The following TLDC2 variants were observed in gnomAD, a reference collection of about 807,000 sequenced individuals.
The protein encoded by TLDC2 is TLD domain-containing protein 2.
A neutral mutation model predicts 27.9 loss-of-function variants in TLDC2; 23 were observed. The observed-to-expected ratio is 0.82, with a 90% CI of 0.59 to 1.17. TLDC2 has a LOEUF of 1.17. TLDC2 is among the 50% of genes most tolerant of loss of function. TLDC2 has a pLI of 0.00. For missense variants in TLDC2, 286 were observed against 273.4 expected (o/e 1.05, Z -0.32); for synonymous variants, 124 against 107.4 (o/e 1.16, Z -0.96).
At chr20:36,888,746 C>T (rs1365583875) in intron 5 of TLDC2, among the ~76,000 whole-genome samples, 1 of 143,552 alleles carries the variant, frequency 7.0e-6, no homozygotes, top group Non-Finnish European at 1.5e-5. Context: ...CTTGACCAGG[C>T]GCAGTGGCTC....
intron 4 of TLDC2, 142 bp downstream of exon 4, chr20:36,880,892 T>A: frequency 2.6e-6 from 2 of 759,726 alleles, no homozygotes; most frequent in Non-Finnish European, 4.4e-6. Flanking sequence ...AGCAGGGCAG[T>A]GGTGGGCAGA....
intron 4 of TLDC2, among the ~76,000 whole-genome samples, chr20:36,887,099 G>C (rs1004749019): frequency 6.6e-6 from 1 of 152,040 alleles, no homozygotes; most frequent in Non-Finnish European, 1.5e-5. Context: ...CAGGCGGGCT[G>C]GTGTTGTCCG....
In TLDC2 at chr20:36,893,091, G is replaced by A. The variant is rs771446566; in HGVS notation, c.*247G>A. 1.2e-6 allele frequency: 2 copies of A among 1,610,512 alleles called. No homozygotes were observed. The highest frequency in any genetic ancestry group is 1.7e-6 in the Non-Finnish European group (2 of 1,179,958). On this transcript the variant is annotated 3_prime_UTR_variant, in exon 7 of 7. Coordinates refer to ENST00000217320, the MANE Select transcript of TLDC2 (RefSeq NM_080628.3). Reference sequence around the variant, plus strand: ...CCTATTAGGAAGAGAGAGAAAAACAGGCAATAGAGAAAAGCCAGTTTCCAT... The same window carrying A: ...CCTATTAGGAAGAGAGAGAAAAACAAGCAATAGAGAAAAGCCAGTTTCCAT...
chr20:36,889,991 T>C (rs1019566740), intron 6 of TLDC2: 1 of 152,162 alleles, frequency 6.6e-6, no homozygotes, highest in Non-Finnish European at 1.5e-5. Context: ...TTACAGAATA[T>C]TGTCAAACCT....
At chr20:36,882,307 C>T (rs1207911693) in intron 4 of TLDC2, among the ~76,000 whole-genome samples, 1 of 152,162 alleles carries the variant, frequency 6.6e-6, no homozygotes, top group African/African-American at 2.4e-5. Flanking sequence ...CTTAGGGAGG[C>T]AGAGGCAGGA....
intron 4 of TLDC2, among the ~76,000 whole-genome samples, chr20:36,882,929 G>A (rs999279371): frequency 6.6e-6 from 1 of 152,090 alleles, no homozygotes; most frequent in African/African-American, 2.4e-5. Flanking sequence ...ATCTTTTGCT[G>A]GTTCGTCCTC....
chr20:36,886,439 A>G (rs907585276), intron 4 of TLDC2, among the ~76,000 whole-genome samples: 11 of 152,160 alleles, frequency 7.2e-5, no homozygotes, highest in African/African-American at 2.2e-4. Context: ...CTAAAATACA[A>G]AAAGTTAGCC....
intron 1 of TLDC2, 37 bp from the exon 2 acceptor site, chr20:36,877,862 G>C (rs752894111): frequency 1.3e-6 from 2 of 1,593,966 alleles, no homozygotes; most frequent in Non-Finnish European, 1.7e-6. Context: ...GGGACCTCCT[G>C]TCCCTGGACA....
At chr20:36,880,633 G>A in intron 3 of TLDC2, 22 bp from the exon 4 acceptor site, 2 of 1,609,014 alleles carry the variant, frequency 1.2e-6, no homozygotes, top group Non-Finnish European at 1.7e-6. Flanking sequence ...TCCAGCTGCA[G>A]ACTACAACTT....
chr20:36,878,899 T>C (rs1211758926), intron 2 of TLDC2, 142 bp from the exon 3 acceptor site: 3 of 1,250,002 alleles, frequency 2.4e-6, no homozygotes, highest in South Asian at 1.3e-5. Flanking sequence ...GCTGATGGCA[T>C]GAAAGTCCCT....
intron 5 of TLDC2, 66 bp from the exon 6 acceptor site, chr20:36,889,183 TGG>T: frequency 6.3e-7 from 1 of 1,579,558 alleles, no homozygotes; most frequent in East Asian, 2.3e-5. Flanking sequence ...GAGCTGATGC[TGG>T]TGGCAGAGCC....
At chr20:36,876,315 C>G in intron 1 of TLDC2, 108 bp downstream of exon 1, 1 of 1,435,726 alleles carries the variant, frequency 7.0e-7, no homozygotes. Flanking sequence ...TGACTTGTTC[C>G]CCTCTCAAGT....
chr20:36,880,058 AATATATATATACATATATATATAT>A (rs1458937026), intron 3 of TLDC2, among the ~76,000 whole-genome samples: 2 of 36,322 alleles, frequency 5.5e-5, no homozygotes, highest in Non-Finnish European at 1.4e-4. Context: ...ACTTGTGTAG[AATATATATATACATATATATATAT>A]ATATATATAT....
At position 36,879,145 on chromosome 20, in the gene TLDC2, G is replaced by C. The variant is rs150132663; in HGVS notation, c.294G>C (p.Glu98Asp). The C allele has an allele frequency of 4.6e-3, 7,459 of 1,614,052 alleles. 31 individuals carry two copies. Among genetic ancestry groups the C allele is most frequent in the Non-Finnish European group, 5.7e-3 (6,783 of 1,180,018 alleles). The part of the protein sequence containing the change: ...FSLQSLYRRM[E>D]GCSGPVLLVL... ...TGCAGAGCCTGTACCGGCGGATGGA[G>C]GGCTGCAGCGGGCCAGTGCTGCTGG... The change falls in exon 3 of 7, where the codon GAG (glutamate) becomes GAC (aspartate). Residue 98 changes from glutamate to aspartate, a missense_variant. Coordinates refer to ENST00000217320, the MANE Select transcript of TLDC2 (RefSeq NM_080628.3).
In TLDC2 at chr20:36,880,818, G is replaced by T. The variant is rs3748464; in HGVS notation, c.438+68G>T. On this transcript the variant is annotated intron_variant, in intron 4 of 6. Coordinates refer to ENST00000217320, the MANE Select transcript of TLDC2 (RefSeq NM_080628.3). ...GAGACAAAGCTCCCGGGGTCCCAGT[G>T]GCTCCCAGCTCCATCCTCCACGATG... 6,775 of 1,424,946 alleles carry T rather than the reference G, an allele frequency of 4.8e-3. 105 individuals are homozygous for T. The highest frequency in any genetic ancestry group is 0.037 in the East Asian group (1,640 of 44,020). The allele number at this position is 1,424,946 out of a possible 1,614,324, so 88.3% of individuals were successfully genotyped here.
Position 36,879,985 on chromosome 20 carries a change from A to G in TLDC2, c.343-670A>G, listed in dbSNP as rs558673118. On this transcript the variant is annotated intron_variant, in intron 3 of 6. Coordinates refer to ENST00000217320, the MANE Select transcript of TLDC2 (RefSeq NM_080628.3). The stretch of plus-strand genomic sequence containing the variant: ...GTTATCTTGGGGAAGAAGGAGGGGG[A>G]TTAAGAGATGGCTTTACTTTTTTTC... Among the ~76,000 whole-genome samples the G allele has an allele frequency of 4.0e-5, 6 of 148,920 alleles. No homozygotes were observed. The East Asian group carries it at 9.8e-4, about 24-fold the overall frequency.
intron 2 of TLDC2, 39 bp downstream of exon 2, chr20:36,878,093 A>G: frequency 4.4e-6 from 7 of 1,586,358 alleles, no homozygotes; most frequent in Non-Finnish European, 5.1e-6. Context: ...TTCAGCCCTA[A>G]ACCTAAGAGT....
intron 4 of TLDC2, among the ~76,000 whole-genome samples, chr20:36,883,761 C>T (rs1008921951): frequency 6.6e-6 from 1 of 152,176 alleles, no homozygotes; most frequent in African/African-American, 2.4e-5. Context: ...CTCACTGCCT[C>T]CACTTCAGTC....
intron 3 of TLDC2, among the ~76,000 whole-genome samples, chr20:36,880,073 A>ATATATATATATATATGTG (rs1555828526): frequency 7.9e-4 from 32 of 40,568 alleles, no homozygotes; most frequent in Admixed American, 5.8e-3. Context: ...ATATATACAT[A>ATATATATATATATATGTG]TATATATATA....
Sources: allele counts gnomAD v4.1 joint callset (sites outside exome capture counted in the v4.1 genomes callset), GRCh38; gene constraint gnomAD v4.1.1; transcripts MANE v1.5; gene names NCBI Gene and HGNC (gene_info 2026-07-23, HGNC 2026-07-21).